Variants in SLC9B1 observed in about 807,000 individuals in gnomAD.
SLC9B1 encodes sodium/hydrogen exchanger 9B1.
Under a neutral mutation model 51.7 loss-of-function variants are expected in SLC9B1, and 32 were observed. That is an observed-to-expected ratio of 0.62 (90% CI 0.47 to 0.83). The LOEUF (loss-of-function observed/expected upper bound fraction) is 0.83, where lower values mean the gene tolerates loss of function less well. SLC9B1 is among the 40% of genes least tolerant of loss of function. The pLI is 0.00. For missense variants in SLC9B1, 406 were observed against 613.2 expected (o/e 0.66, Z 3.57); for synonymous variants, 145 against 212.7 (o/e 0.68, Z 2.77).
intron 1 of SLC9B1, among the ~76,000 whole-genome samples, chr4:103,019,331 T>A (rs1193087064): frequency 1.3e-5 from 2 of 152,158 alleles, no homozygotes; most frequent in African/African-American, 4.8e-5. Context: ...TCTTTCTTAC[T>A]GGCGAGTATT....
At chr4:102,908,164 G>A (rs1271850334) in intron 9 of SLC9B1, among the ~76,000 whole-genome samples, 2 of 152,290 alleles carry the variant, frequency 1.3e-5, no homozygotes, top group African/African-American at 2.4e-5. Flanking sequence ...AGTGGTGTTG[G>A]CATAGAAATA....
intron 9 of SLC9B1, among the ~76,000 whole-genome samples, chr4:102,909,597 G>A (rs1006279223): frequency 6.7e-6 from 1 of 149,806 alleles, no homozygotes. Context: ...GAGTGAAACT[G>A]TGTCTCAAAA....
chr4:102,951,279 CA>C (rs1340188285), intron 3 of SLC9B1, among the ~76,000 whole-genome samples: 1 of 151,984 alleles, frequency 6.6e-6, no homozygotes, highest in Non-Finnish European at 1.5e-5. Context: ...GATGCTAATT[CA>C]AAAAATCTCT....
chr4:102,926,752 T>C (rs1448499329), intron 7 of SLC9B1, among the ~76,000 whole-genome samples: 1 of 152,156 alleles, frequency 6.6e-6, no homozygotes. Flanking sequence ...AAAACTGCTT[T>C]AAAGTTCATA....
At chr4:102,913,167 G>A (rs950033291) in intron 7 of SLC9B1, among the ~76,000 whole-genome samples, 1 of 152,200 alleles carries the variant, frequency 6.6e-6, no homozygotes, top group Non-Finnish European at 1.5e-5. Context: ...CATTAGCAGG[G>A]AAAGAGAAGA....
At chr4:102,939,026 CA>C (rs1736855950) in intron 6 of SLC9B1, among the ~76,000 whole-genome samples, 1 of 151,142 alleles carries the variant, frequency 6.6e-6, no homozygotes, top group South Asian at 2.1e-4. Context: ...TAACCAAAAT[CA>C]GAGCAGAATG....
At chr4:103,010,631 T>C (rs1357188125) in intron 1 of SLC9B1, among the ~76,000 whole-genome samples, 1 of 152,208 alleles carries the variant, frequency 6.6e-6, no homozygotes, top group Non-Finnish European at 1.5e-5. Context: ...TGGTAAAAGC[T>C]CAGATCTCTG....
intron 3 of SLC9B1, among the ~76,000 whole-genome samples, chr4:102,986,891 T>G (rs1294890109): frequency 1.3e-5 from 2 of 152,220 alleles, no homozygotes; most frequent in African/African-American, 4.8e-5. Flanking sequence ...GTTAGAGATC[T>G]TAGCATATTT....
At chr4:102,927,467 T>C (rs1736243884) in intron 7 of SLC9B1, among the ~76,000 whole-genome samples, 1 of 152,098 alleles carries the variant, frequency 6.6e-6, no homozygotes, top group Non-Finnish European at 1.5e-5. Context: ...AACAGACACA[T>C]GAAAAAATGC....
chr4:102,924,046 G>GA (rs1276452472), intron 7 of SLC9B1, among the ~76,000 whole-genome samples: 1 of 152,134 alleles, frequency 6.6e-6, no homozygotes, highest in Non-Finnish European at 1.5e-5. Context: ...CACAGAATTG[G>GA]AAAAAACTAC....
Position 102,981,479 on chromosome 4 carries a change from T to A in SLC9B1, c.211+8321A>T, listed in dbSNP as rs2110510436. Among the ~76,000 whole-genome samples the A allele has an allele frequency of 1.3e-5, 2 of 152,278 alleles. 1 individual carries two copies. The highest frequency in any genetic ancestry group is 3.9e-4 in the East Asian group (2 of 5,190). ...TTGTACAACTCCCACCTGCAATGAA[T>A]GAAAGTTCCTGTTGCTCCGTACCCT... is the stretch of plus-strand genomic sequence containing the variant. On this transcript the variant is annotated intron_variant, in intron 3 of 11. Transcript: ENST00000296422.
chr4:102,901,693 G>C (rs1288402810), intron 11 of SLC9B1, among the ~76,000 whole-genome samples: 1 of 152,100 alleles, frequency 6.6e-6, no homozygotes, highest in Non-Finnish European at 1.5e-5. Context: ...AGTGGTTCTT[G>C]ACTACAACAA....
intron 7 of SLC9B1, among the ~76,000 whole-genome samples, chr4:102,928,345 A>G (rs1006377497): frequency 6.6e-6 from 1 of 152,238 alleles, no homozygotes; most frequent in Non-Finnish European, 1.5e-5. Flanking sequence ...GCTAAAGCAT[A>G]GCAAGAGTGA....
intron 3 of SLC9B1, among the ~76,000 whole-genome samples, chr4:102,968,574 G>A (rs958215352): frequency 5.3e-5 from 8 of 152,146 alleles, no homozygotes; most frequent in Admixed American, 1.3e-4. Flanking sequence ...CAAGATGGCC[G>A]AATAGGAACA....
chr4:102,995,793 G>T (rs1740183925), intron 1 of SLC9B1, among the ~76,000 whole-genome samples: 2 of 152,066 alleles, frequency 1.3e-5, no homozygotes, highest in African/African-American at 4.8e-5. Flanking sequence ...TTCCTTATCT[G>T]AAAAAATATA....
At chr4:102,979,091 T>A (rs1166935879) in intron 3 of SLC9B1, among the ~76,000 whole-genome samples, 1 of 152,212 alleles carries the variant, frequency 6.6e-6, no homozygotes, top group Non-Finnish European at 1.5e-5. Flanking sequence ...AATGGATGAC[T>A]TCTTGGGGAA....
intron 3 of SLC9B1, among the ~76,000 whole-genome samples, chr4:102,973,425 AG>A (rs1738866999): frequency 6.6e-6 from 1 of 152,204 alleles, no homozygotes; most frequent in Non-Finnish European, 1.5e-5. Context: ...AGAATTACAA[AG>A]AAAAATGGCT....
At chr4:102,962,007 C>A in intron 3 of SLC9B1, 1 of 298,036 alleles carries the variant, frequency 3.4e-6, no homozygotes, top group Non-Finnish European at 6.5e-6. Context: ...CAGGTAAGAG[C>A]CACTTGGTGC....
chr4:102,947,916 T>C (rs1737347127), intron 4 of SLC9B1, among the ~76,000 whole-genome samples: 1 of 152,208 alleles, frequency 6.6e-6, no homozygotes, highest in Admixed American at 6.6e-5. Flanking sequence ...TTAGAAAGTT[T>C]TATAAAAACA....
Sources: gnomAD v4.1 joint callset for allele counts (sites outside exome capture counted in the v4.1 genomes callset) on GRCh38, gnomAD v4.1.1 for gene constraint, MANE v1.5 for transcripts, NCBI Gene and HGNC (gene_info 2026-07-23, HGNC 2026-07-21) for gene names.